The following CD99L2 variants were observed in gnomAD, a reference collection of about 807,000 sequenced individuals.
The protein encoded by CD99L2 is CD99 antigen-like protein 2.
In CD99L2, 24 loss-of-function variants were observed where a neutral mutation model predicts 27.3. The ratio of observed to expected loss-of-function variants is 0.88; its 90% CI spans 0.64 to 1.24. The LOEUF (loss-of-function observed/expected upper bound fraction) is 1.24, where lower values mean the gene tolerates loss of function less well. CD99L2 is among the 50% of genes most tolerant of loss of function. The pLI is 0.00. For missense variants in CD99L2, 255 were observed against 221.6 expected, an observed-to-expected ratio of 1.15 and a Z score of -0.96; for synonymous variants, 97 against 87.9, an observed-to-expected ratio of 1.10 and a Z score of -0.58.
At chrX:150,793,306 T>A (rs1557419763) in intron 7 of CD99L2, among the ~76,000 whole-genome samples, 2 of 112,552 alleles carry the variant, frequency 1.8e-5, no homozygotes, top group African/African-American at 3.2e-5. Context: ...TTAAAAAAAA[T>A]GCTCGTCATG....
intron 1 of CD99L2, among the ~76,000 whole-genome samples, chrX:150,846,170 C>T (rs2046699686): frequency 9.0e-6 from 1 of 111,584 alleles, no homozygotes; most frequent in Admixed American, 9.5e-5. Context: ...CCAGCCTAGG[C>T]GACAGTGCGA....
chrX:150,787,729 A>G (rs1379938714), intron 7 of CD99L2, among the ~76,000 whole-genome samples: 1 of 71,439 alleles, frequency 1.4e-5, no homozygotes, highest in Admixed American at 2.0e-4. Context: ...GGAACATCAC[A>G]CACTGGGACC....
chrX:150,855,404 A>G (rs1438896325), intron 1 of CD99L2, among the ~76,000 whole-genome samples: 1 of 111,816 alleles, frequency 8.9e-6, no homozygotes, highest in Non-Finnish European at 1.9e-5. Context: ...GGGAGGCCTC[A>G]GGAAACTTAC....
At chrX:150,838,917 A>AAAAG (rs2046577043) in intron 1 of CD99L2, among the ~76,000 whole-genome samples, 2 of 63,752 alleles carry the variant, frequency 3.1e-5, no homozygotes, top group Non-Finnish European at 2.8e-5. Context: ...AAAAAAAAAA[A>AAAAG]TGGGGGGGGG....
chrX:150,818,514 A>G (rs2046198702), intron 2 of CD99L2, among the ~76,000 whole-genome samples: 1 of 107,592 alleles, frequency 9.3e-6, no homozygotes, highest in Non-Finnish European at 2.0e-5. Context: ...CACACTCCTA[A>G]ACAACCAATA....
chrX:150,869,649 C>T (rs1332981840), intron 1 of CD99L2, among the ~76,000 whole-genome samples: 1 of 111,943 alleles, frequency 8.9e-6, no homozygotes, highest in East Asian at 2.8e-4. Flanking sequence ...CAGGAGAGGA[C>T]GGCATGTGCT....
intron 1 of CD99L2, among the ~76,000 whole-genome samples, chrX:150,864,300 C>A (rs1409617429): frequency 8.9e-6 from 1 of 112,345 alleles, no homozygotes; most frequent in Non-Finnish European, 1.9e-5. Context: ...CAGAAGATAA[C>A]AAGGCATCCA....
At chrX:150,895,933 G>A in intron 1 of CD99L2, among the ~76,000 whole-genome samples, 1 of 107,605 alleles carries the variant, frequency 9.3e-6, no homozygotes, top group East Asian at 2.9e-4. Context: ...GGTTGACGCA[G>A]GAGAATGGCG....
At chrX:150,819,653 A>G (rs2046217286) in intron 2 of CD99L2, among the ~76,000 whole-genome samples, 1 of 111,984 alleles carries the variant, frequency 8.9e-6, no homozygotes, top group Non-Finnish European at 1.9e-5. Context: ...CCAAATCGCT[A>G]ATTTCAGGAA....
intron 7 of CD99L2, among the ~76,000 whole-genome samples, chrX:150,778,673 T>TAA (rs1195688468): frequency 2.9e-5 from 2 of 67,930 alleles, no homozygotes; most frequent in African/African-American, 9.8e-5. Flanking sequence ...TAAAGTATAA[T>TAA]AAAAAAAAAA....
At position 150,770,479 on chromosome X, in the gene CD99L2, C is replaced by G. The variant is rs1395890540; in HGVS notation, c.656-110G>C. ...CTGCAGCTAAAAAAGCAGCACAGCT[C>G]CCCTGGGGAACTCAAAACCCTGCAC... On this transcript the variant is annotated intron_variant, in intron 9 of 10. Coordinates refer to ENST00000370377, the MANE Select transcript of CD99L2 (RefSeq NM_031462.4). 7.6e-6 allele frequency: 5 copies of G among 661,228 alleles called. No individual in the cohort carries two copies. The East Asian group carries it at 1.7e-4, about 22-fold the overall frequency. The allele number at this position is 661,228 out of a possible 1,213,427, so 54.5% of individuals were successfully genotyped here. A position where few individuals can be genotyped will look rare whatever the true frequency, so the allele number is the denominator to read the frequency against.
At chrX:150,820,660 G>A (rs1424173718) in intron 2 of CD99L2, among the ~76,000 whole-genome samples, 9 of 111,762 alleles carry the variant, frequency 8.1e-5, no homozygotes, top group Admixed American at 2.9e-4. Flanking sequence ...TGTAATGGAA[G>A]TTCTAACTAG....
intron 1 of CD99L2, among the ~76,000 whole-genome samples, chrX:150,880,270 T>C (rs1557422458): frequency 8.9e-6 from 1 of 112,269 alleles, no homozygotes; most frequent in Non-Finnish European, 1.9e-5. Context: ...GCACCATTCA[T>C]AGCAGCTGCA....
intron 7 of CD99L2, among the ~76,000 whole-genome samples, chrX:150,790,297 C>T (rs1392473837): frequency 1.8e-5 from 2 of 109,562 alleles, no homozygotes; most frequent in Non-Finnish European, 3.8e-5. Context: ...GGACATGTGA[C>T]TCTATGCATT....
chrX:150,895,533 T>A (rs1170412908), intron 1 of CD99L2, among the ~76,000 whole-genome samples: 2 of 110,638 alleles, frequency 1.8e-5, no homozygotes, highest in African/African-American at 6.6e-5. Context: ...ATCCCACTAC[T>A]GAGGACCAGG....
chrX:150,798,499 C>T (rs1300595542), intron 4 of CD99L2, among the ~76,000 whole-genome samples: 7 of 110,709 alleles, frequency 6.3e-5, no homozygotes, highest in South Asian at 3.9e-4. Flanking sequence ...GGAATGACTT[C>T]GGACCCTGAC....
chrX:150,831,523 C>T (rs561617916), intron 1 of CD99L2, among the ~76,000 whole-genome samples: 2 of 111,325 alleles, frequency 1.8e-5, no homozygotes, highest in African/African-American at 6.5e-5. Context: ...CACATATTCT[C>T]ACTTATAAGT....
In CD99L2 at chrX:150,898,656, G is replaced by C. The variant is rs1299750341; in HGVS notation, c.-68C>G. The C allele has an allele frequency of 1.1e-6, 1 of 946,795 alleles. No individual in the cohort carries two copies. The highest frequency in any genetic ancestry group is 2.5e-5 in the South Asian group (1 of 39,858). The allele number at this position is 946,795 out of a possible 1,213,427, so 78.0% of individuals were successfully genotyped here. On this transcript the variant is annotated 5_prime_UTR_variant, in exon 1 of 11. Coordinates refer to ENST00000370377, the MANE Select transcript of CD99L2 (RefSeq NM_031462.4). ...CGAGAGCGCCCGAAGGGGAGGCCGA[G>C]GAGGAGCGGGAGGAGGAGCCCCGCC...
chrX:150,861,643 C>A (rs1242890971), intron 1 of CD99L2, among the ~76,000 whole-genome samples: 1 of 111,822 alleles, frequency 8.9e-6, no homozygotes, highest in Non-Finnish European at 1.9e-5. Flanking sequence ...TGGCTCACGC[C>A]TGTAATCCCA....
Sources: gnomAD v4.1 joint callset for allele counts (sites outside exome capture counted in the v4.1 genomes callset) on GRCh38, gnomAD v4.1.1 for gene constraint, MANE v1.5 for transcripts, NCBI Gene and HGNC (gene_info 2026-07-23, HGNC 2026-07-21) for gene names.